TRIM49: variants seen among roughly 807,000 people sequenced by gnomAD.
The protein encoded by TRIM49 is tripartite motif containing 49.
A neutral mutation model predicts 27.4 loss-of-function variants in TRIM49; 5 were observed. The ratio of observed to expected loss-of-function variants is 0.18; its 90% CI spans 0.10 to 0.38. The LOEUF (loss-of-function observed/expected upper bound fraction) is 0.38. TRIM49 is among the 10% of genes least tolerant of loss of function. The pLI is 1.00. For missense variants in TRIM49, 188 were observed against 487.5 expected (o/e 0.39, Z 5.79); for synonymous variants, 69 against 166.0 (o/e 0.42, Z 4.49).
chr11:89,802,580 CACATACAT>C (rs199832331), intron 4 of TRIM49, among the ~76,000 whole-genome samples: 2,040 of 144,692 alleles, frequency 0.014, 20 homozygotes, highest in Non-Finnish European at 0.017. Flanking sequence ...CAAACACACA[CACATACAT>C]ACATACATAC....
rs572176959 is a variant in TRIM49, at chr11:89,800,377, C to T, written c.762-564G>A. On this transcript the variant is annotated intron_variant, in intron 6 of 7. Transcript: ENST00000329758. ...AAATACTTCCTCCTCTTCTCTCCTG[C>T]TTCCTCTGGTGACTTTCTCACCATT... Among the ~76,000 whole-genome samples, 24 of 151,788 alleles carry T rather than the reference C, an allele frequency of 1.6e-4. No individual in the cohort carries two copies. In the South Asian group the frequency reaches 4.8e-3, roughly 30 times the overall value.
downstream of TRIM49, among the ~76,000 whole-genome samples, chr11:89,797,106 ATTC>A (rs1386130890): frequency 6.6e-6 from 1 of 152,036 alleles, no homozygotes; most frequent in Non-Finnish European, 1.5e-5. Context: ...TGGTGGATTA[ATTC>A]TTACTTTTGT....
chr11:89,793,472 C>G (rs1949668755), downstream of TRIM49, among the ~76,000 whole-genome samples: 1 of 152,118 alleles, frequency 6.6e-6, no homozygotes. Context: ...AACATCGATG[C>G]AAAAATTCTC....
At position 89,802,633 on chromosome 11, in the gene TRIM49, A is replaced by G. The variant is rs1271646593; in HGVS notation, c.508-701T>C. ...TATATACACACAACCACACACACAT[A>G]CATACATATACACACTCATGGTCCA... On this transcript the variant is annotated intron_variant, in intron 4 of 7. Coordinates refer to ENST00000329758, the MANE Select transcript of TRIM49 (RefSeq NM_020358.2). Among the ~76,000 whole-genome samples, 237 of 151,092 alleles carry G rather than the reference A, an allele frequency of 1.6e-3. 7 individuals are homozygous for G. Among genetic ancestry groups the G allele is most frequent in the African/African-American group, 5.6e-3 (228 of 40,794 alleles).
chr11:89,802,276 ATTCT>A (rs759445643), intron 4 of TRIM49, among the ~76,000 whole-genome samples: 3 of 150,452 alleles, frequency 2.0e-5, no homozygotes, highest in Non-Finnish European at 3.0e-5. Context: ...AAAGGAAACA[ATTCT>A]TTCTATTTCT....
At chr11:89,794,325 T>G, downstream of TRIM49, among the ~76,000 whole-genome samples, 1 of 121,742 alleles carries the variant, frequency 8.2e-6, no homozygotes, top group Non-Finnish European at 1.7e-5. Flanking sequence ...AGGTAATTTA[T>G]AGATTCAATG....
At chr11:89,782,694 AG>A in the TRIM49 span, among the ~76,000 whole-genome samples, 1 of 130,050 alleles carries the variant, frequency 7.7e-6, no homozygotes, top group Non-Finnish European at 1.7e-5. Flanking sequence ...ACACTTGAGC[AG>A]CCATCAGAGC....
intron 2 of TRIM49, among the ~76,000 whole-genome samples, chr11:89,805,713 G>C (rs1565447799): frequency 7.7e-6 from 1 of 130,038 alleles, no homozygotes; most frequent in South Asian, 2.3e-4. Context: ...GGTGTTTTTA[G>C]TTTTTTTTTG....
At chr11:89,766,732 C>T in the TRIM49 span, 1 of 1,531,062 alleles carries the variant, frequency 6.5e-7, no homozygotes, top group Non-Finnish European at 8.8e-7. Flanking sequence ...CCAACTCGGC[C>T]CAGAGGTTTC....
the TRIM49 span, among the ~76,000 whole-genome samples, chr11:89,789,962 G>A: frequency 6.7e-5 from 10 of 149,770 alleles, no homozygotes; most frequent in African/African-American, 1.0e-4. Context: ...ATGAGGCATC[G>A]CCTCACCCAG....
At chr11:89,793,771 A>G (rs867988851), downstream of TRIM49, among the ~76,000 whole-genome samples, 2 of 151,966 alleles carry the variant, frequency 1.3e-5, no homozygotes, top group African/African-American at 4.8e-5. Context: ...TCCCACAGCC[A>G]ATAAATATCA....
the TRIM49 span, among the ~76,000 whole-genome samples, chr11:89,790,453 GCCT>G: frequency 7.9e-5 from 12 of 151,744 alleles, no homozygotes; most frequent in Admixed American, 7.2e-4. Context: ...CGGACAGACT[GCCT>G]CCTCAAGTTG....
the TRIM49 span, among the ~76,000 whole-genome samples, chr11:89,777,616 A>T: frequency 1.4e-5 from 2 of 144,024 alleles, no homozygotes; most frequent in Non-Finnish European, 3.1e-5. Context: ...TTGTTCAAAC[A>T]TATAGAATGG....
intron 6 of TRIM49, among the ~76,000 whole-genome samples, chr11:89,800,449 A>G (rs1949725805): frequency 6.6e-6 from 1 of 151,720 alleles, no homozygotes; most frequent in Non-Finnish European, 1.5e-5. Flanking sequence ...TCAAGCAATA[A>G]AACAAAATCA....
At chr11:89,767,314 C>A in the TRIM49 span, among the ~76,000 whole-genome samples, 1 of 138,676 alleles carries the variant, frequency 7.2e-6, no homozygotes, top group Non-Finnish European at 1.5e-5. Flanking sequence ...GTCTAGTTAG[C>A]GACCTTTCAT....
At chr11:89,766,734 A>G in the TRIM49 span, 6 of 1,530,890 alleles carry the variant, frequency 3.9e-6, 1 homozygote, top group Non-Finnish European at 5.3e-6. Context: ...AACTCGGCCC[A>G]GAGGTTTCTC....
the TRIM49 span, among the ~76,000 whole-genome samples, chr11:89,770,783 G>C: frequency 7.0e-6 from 1 of 143,704 alleles, no homozygotes; most frequent in African/African-American, 2.8e-5. Context: ...GGAGAATGGC[G>C]TGAACCCGGG....
chr11:89,803,993 A>C, intron 3 of TRIM49, 66 bp downstream of exon 3: 3 of 1,611,610 alleles, frequency 1.9e-6, no homozygotes, highest in Non-Finnish European at 2.5e-6. Flanking sequence ...CCAATCTCCA[A>C]GAAAATAGAC....
At chr11:89,795,990 T>A (rs568326431), downstream of TRIM49, among the ~76,000 whole-genome samples, 1 of 151,664 alleles carries the variant, frequency 6.6e-6, no homozygotes, top group Admixed American at 6.6e-5. Context: ...TACCTAGATA[T>A]CCGCAAATCC....
Sources: gnomAD v4.1 joint callset for allele counts (sites outside exome capture counted in the v4.1 genomes callset) on GRCh38, gnomAD v4.1.1 for gene constraint, MANE v1.5 for transcripts, NCBI Gene and HGNC (gene_info 2026-07-23, HGNC 2026-07-21) for gene names.